PCDHGA10: variants seen among roughly 807,000 people sequenced by gnomAD.
PCDHGA10 encodes protocadherin gamma-A10.
A neutral mutation model predicts 59.5 loss-of-function variants in PCDHGA10; 42 were observed. The ratio of observed to expected loss-of-function variants is 0.71; its 90% CI spans 0.55 to 0.91. PCDHGA10 has a LOEUF of 0.91. PCDHGA10 is among the 40% of genes least tolerant of loss of function. The pLI is 0.00. For missense variants in PCDHGA10, 1,111 were observed against 1,198.2 expected, an observed-to-expected ratio of 0.93 and a Z score of 1.07; for synonymous variants, 511 against 517.2, an observed-to-expected ratio of 0.99 and a Z score of 0.16.
At chr5:141,484,061 G>A (rs570687480) in intron 1 of PCDHGA10, among the ~76,000 whole-genome samples, 8 of 152,124 alleles carry the variant, frequency 5.3e-5, no homozygotes, top group Non-Finnish European at 1.0e-4. Context: ...CTGGGGCTAA[G>A]TGAAAAGCTT....
In PCDHGA10 at chr5:141,432,167, T is replaced by G. The variant is rs559707772; in HGVS notation, c.2436+16556T>G. The G allele has an allele frequency of 1.4e-5, 22 of 1,613,962 alleles. No homozygotes were observed. The highest frequency in any genetic ancestry group is 9.3e-5 in the African/African-American group (7 of 74,972). On this transcript the variant is annotated intron_variant, in intron 1 of 3. Coordinates refer to ENST00000398610, the MANE Select transcript of PCDHGA10 (RefSeq NM_018913.3). The surrounding 1 kb of genome is among the most constrained non-coding windows in gnomAD (Gnocchi z 6.0). Reference sequence around the variant, plus strand: ...CCCAGAGAACAATCCCAGAGGAGTTTCCCTCGTCTCTGTGACCGCCCACGA... The same window carrying G: ...CCCAGAGAACAATCCCAGAGGAGTTGCCCTCGTCTCTGTGACCGCCCACGA...
At chr5:141,483,122 A>G (rs1159736878) in intron 1 of PCDHGA10, among the ~76,000 whole-genome samples, 1 of 152,166 alleles carries the variant, frequency 6.6e-6, no homozygotes, top group Non-Finnish European at 1.5e-5. Context: ...CAGTCTTTGT[A>G]GGAGATGAGG....
intron 1 of PCDHGA10, chr5:141,423,611 C>T: frequency 1.1e-5 from 18 of 1,611,094 alleles, no homozygotes; most frequent in Non-Finnish European, 1.5e-5. Flanking sequence ...CTCTTGATAG[C>T]TGAAGACTCA....
At chr5:141,428,147 G>C (rs771536400) in intron 1 of PCDHGA10, 1 of 1,589,612 alleles carries the variant, frequency 6.3e-7, no homozygotes, top group Admixed American at 1.7e-5. Flanking sequence ...GGCTGCACAC[G>C]GGAACCTGCT....
chr5:141,490,423 T>C lies in PCDHGA10; in HGVS notation c.2437-4384T>C. ...CCTTGATATCTCTCCGGACCTGCCATTTCAGATTAAGCCTTCTGAGAACCA... is the reference window on the plus strand; with the variant it reads ...CCTTGATATCTCTCCGGACCTGCCACTTCAGATTAAGCCTTCTGAGAACCA... On this transcript the variant is annotated intron_variant, in intron 1 of 3. Coordinates refer to ENST00000398610, the MANE Select transcript of PCDHGA10 (RefSeq NM_018913.3). This position sits in a 1 kb window ranked among gnomAD's most constrained non-coding sequence, Gnocchi z 5.4. 6.2e-7 allele frequency: 1 copy of C among 1,614,172 alleles called. No individual in the cohort carries two copies. The highest frequency in any genetic ancestry group is 8.5e-7 in the Non-Finnish European group (1 of 1,180,028).
Position 141,486,955 on chromosome 5 carries a change from T to A in PCDHGA10, c.2437-7852T>A, listed in dbSNP as rs1459820579. 1.9e-6 allele frequency: 3 copies of A among 1,614,128 alleles called. No individual in the cohort carries two copies. The highest frequency in any genetic ancestry group is 2.5e-6 in the Non-Finnish European group (3 of 1,180,048). ...CTGGCCACCTAATCACAAAGGTGACTGCTGTGGACTTGGATTCAGGTTACA... is the reference window on the plus strand; with the variant it reads ...CTGGCCACCTAATCACAAAGGTGACAGCTGTGGACTTGGATTCAGGTTACA... On this transcript the variant is annotated intron_variant, in intron 1 of 3. Coordinates refer to ENST00000398610, the MANE Select transcript of PCDHGA10 (RefSeq NM_018913.3). This position sits in a 1 kb window ranked among gnomAD's most constrained non-coding sequence, Gnocchi z 5.0.
chr5:141,456,383 T>G (rs1372337704), intron 1 of PCDHGA10, among the ~76,000 whole-genome samples: 4 of 152,130 alleles, frequency 2.6e-5, no homozygotes, highest in Admixed American at 2.6e-4. Flanking sequence ...ACAGCACCGT[T>G]TGGAGTTTGA....
chr5:141,486,578 C>A lies in PCDHGA10; in HGVS notation c.2437-8229C>A, dbSNP rs780578882. 5 of 1,613,610 alleles carry A rather than the reference C, an allele frequency of 3.1e-6. No homozygotes were observed. In the Admixed American group the frequency reaches 6.7e-5, roughly 22 times the overall value. On this transcript the variant is annotated intron_variant, in intron 1 of 3. Coordinates refer to ENST00000398610, the MANE Select transcript of PCDHGA10 (RefSeq NM_018913.3). The surrounding 1 kb of genome is among the most constrained non-coding windows in gnomAD (Gnocchi z 5.0). Reference sequence around the variant, plus strand: ...TGAGGTGTTTGTTCCTGAGAACAATCGCCCAGGGGACCTGCTTTGCTCCCT... The same window carrying A: ...TGAGGTGTTTGTTCCTGAGAACAATAGCCCAGGGGACCTGCTTTGCTCCCT...
chr5:141,492,464 C>G (rs1595116794), intron 1 of PCDHGA10, among the ~76,000 whole-genome samples: 1 of 152,354 alleles, frequency 6.6e-6, no homozygotes, highest in Non-Finnish European at 1.5e-5. Context: ...GCCTGAGGGT[C>G]CCAGATCGCG....
Position 141,413,082 on chromosome 5 carries a change from A to G in PCDHGA10, c.-94A>G. On this transcript the variant is annotated 5_prime_UTR_variant, in exon 1 of 4. Coordinates refer to ENST00000398610, the MANE Select transcript of PCDHGA10 (RefSeq NM_018913.3). Reference sequence around the variant, plus strand: ...CCAGAATTTAAAGTGCCCAGGCTACAGAGACACCCTGAAGCCACAGAAAGA... The same window carrying G: ...CCAGAATTTAAAGTGCCCAGGCTACGGAGACACCCTGAAGCCACAGAAAGA... The G allele has an allele frequency of 7.4e-7, 1 of 1,344,446 alleles. No individual in the cohort carries two copies. The highest frequency in any genetic ancestry group is 1.5e-5 in the African/African-American group (1 of 68,388). The allele number at this position is 1,344,446 out of a possible 1,614,324, so 83.3% of individuals were successfully genotyped here.
In PCDHGA10 at chr5:141,485,146, G is replaced by C; in HGVS notation, c.2437-9661G>C. 6.4e-7 allele frequency: 1 copy of C among 1,569,470 alleles called. No individual in the cohort carries two copies. Among genetic ancestry groups the C allele is most frequent in the Non-Finnish European group, 8.7e-7 (1 of 1,143,568 alleles). On this transcript the variant is annotated intron_variant, in intron 1 of 3. Transcript: ENST00000398610. The surrounding 1 kb of genome is among the most constrained non-coding windows in gnomAD (Gnocchi z 5.7). Reference sequence around the variant, plus strand: ...GGTCGGCTTCATCCGCGTCTCAGGAGCAAGTAGAGAATTAGCGGGCGGCAG... The same window carrying C: ...GGTCGGCTTCATCCGCGTCTCAGGACCAAGTAGAGAATTAGCGGGCGGCAG...
intron 1 of PCDHGA10, chr5:141,479,691 C>T (rs2099503603): frequency 6.6e-6 from 1 of 152,206 alleles, no homozygotes; most frequent in Non-Finnish European, 1.5e-5. Context: ...TTTGGTGCCT[C>T]CAGTGTTAGT....
chr5:141,494,537 G>C (rs2099755111), intron 1 of PCDHGA10, among the ~76,000 whole-genome samples: 1 of 152,168 alleles, frequency 6.6e-6, no homozygotes, highest in Non-Finnish European at 1.5e-5. Flanking sequence ...TGGGGGCAGG[G>C]AGGAAGGGGC....
chr5:141,427,319 G>T (rs1184530487), intron 1 of PCDHGA10: 4 of 456,958 alleles, frequency 8.8e-6, no homozygotes, highest in African/African-American at 8.0e-5. Flanking sequence ...CCCCAGACGT[G>T]GTTTTTACTT....
chr5:141,418,897 A>T, intron 1 of PCDHGA10: 1 of 1,613,980 alleles, frequency 6.2e-7, no homozygotes, highest in Non-Finnish European at 8.5e-7. Flanking sequence ...ACAGCCCAGA[A>T]ATAATCATCA....
chr5:141,415,404 C>A lies in PCDHGA10; in HGVS notation c.2229C>A (p.His743Gln), dbSNP rs199662613. Residue 743 changes from histidine (H) to glutamine (Q), a missense_variant, in exon 1 of 4, where the codon CAC becomes CAA. Transcript: ENST00000398610. ...GCTTGACAGGTGTGTCCGGCTCGCA[C>A]TTTGTGGGCGTGGACGGGGTTCGGG... ...GGGLTGVSGS[H>Q]FVGVDGVRAF... The A allele has an allele frequency of 2.2e-4, 363 of 1,614,238 alleles. 1 individual carries two copies. Among genetic ancestry groups the A allele is most frequent in the Non-Finnish European group, 6.8e-6 (8 of 1,180,048 alleles).
chr5:141,427,161 G>A (rs1561826750), intron 1 of PCDHGA10: 1 of 456,698 alleles, frequency 2.2e-6, no homozygotes, highest in Non-Finnish European at 4.4e-6. Flanking sequence ...GTTTGTGCTA[G>A]ACCATCAAAA....
chr5:141,469,499 C>T lies in PCDHGA10; in HGVS notation c.2437-25308C>T, dbSNP rs1023274165. Among the ~76,000 whole-genome samples, 22 of 152,128 alleles carry T rather than the reference C, an allele frequency of 1.4e-4. 1 individual carries two copies. The highest frequency in any genetic ancestry group is 3.9e-4 in the African/African-American group (16 of 41,510). On this transcript the variant is annotated intron_variant, in intron 1 of 3. Coordinates refer to ENST00000398610, the MANE Select transcript of PCDHGA10 (RefSeq NM_018913.3). ...CTGAGGCAGGAGAATCGCTTGAACC[C>T]GGGAGGTGGAGGTTGCAGTGAGCCA...
chr5:141,504,209 C>T (rs1305672612), intron 2 of PCDHGA10, among the ~76,000 whole-genome samples: 1 of 152,180 alleles, frequency 6.6e-6, no homozygotes, highest in Non-Finnish European at 1.5e-5. Flanking sequence ...TGGGAAAATT[C>T]CAAGTAGAGC....
Sources: gnomAD v4.1 joint callset for allele counts (sites outside exome capture counted in the v4.1 genomes callset) on GRCh38, gnomAD v4.1.1 for gene constraint, Gnocchi (gnomAD v3.1) non-coding constraint, MANE v1.5 for transcripts, NCBI Gene and HGNC (gene_info 2026-07-23, HGNC 2026-07-21) for gene names.